The following RIMS1 variants were observed in gnomAD, a reference collection of about 807,000 sequenced individuals.
RIMS1 encodes the protein regulating synaptic membrane exocytosis protein 1.
RIMS1 carries 83 observed loss-of-function variants against 214.1 expected under a neutral mutation model. The observed-to-expected ratio is 0.39, with a 90% CI of 0.32 to 0.47. The LOEUF (loss-of-function observed/expected upper bound fraction) is 0.47. RIMS1 is among the 20% of genes least tolerant of loss of function. The pLI is 0.99. For synonymous variants in RIMS1, 793 were observed against 786.8 expected, an observed-to-expected ratio of 1.01 and a Z score of -0.13; for missense variants, 2,050 against 2,161.8, an observed-to-expected ratio of 0.95 and a Z score of 1.03.
intron 29 of RIMS1, among the ~76,000 whole-genome samples, chr6:72,363,726 A>T (rs1256906311): frequency 6.6e-6 from 1 of 152,182 alleles, no homozygotes; most frequent in African/African-American, 2.4e-5. Context: ...TTGTTTCTTT[A>T]ACCAGGGGTT....
intron 4 of RIMS1, among the ~76,000 whole-genome samples, chr6:72,115,182 T>C (rs1378027726): frequency 2.0e-5 from 3 of 151,966 alleles, no homozygotes; most frequent in Non-Finnish European, 4.4e-5. Flanking sequence ...ATACCTTTGA[T>C]TGGCATATGA....
At chr6:71,932,929 T>A (rs536039980) in intron 1 of RIMS1, among the ~76,000 whole-genome samples, 51 of 152,286 alleles carry the variant, frequency 3.3e-4, no homozygotes, top group African/African-American at 1.2e-3. Flanking sequence ...ATATTCCTTT[T>A]TGAAATACAT....
intron 22 of RIMS1, 162 bp downstream of exon 22, chr6:72,266,211 T>G: frequency 7.5e-6 from 5 of 669,324 alleles, no homozygotes; most frequent in Non-Finnish European, 1.3e-5. Flanking sequence ...TATTTAGAGA[T>G]ATGCGTATGT....
chr6:72,359,877 A>C (rs763941425), intron 29 of RIMS1, among the ~76,000 whole-genome samples: 1 of 152,176 alleles, frequency 6.6e-6, no homozygotes, highest in East Asian at 1.9e-4. Flanking sequence ...GTCCAAAATC[A>C]TGACAACAAC....
At chr6:72,271,456 A>T (rs2083347421) in intron 22 of RIMS1, among the ~76,000 whole-genome samples, 1 of 151,610 alleles carries the variant, frequency 6.6e-6, no homozygotes, top group Non-Finnish European at 1.5e-5. Context: ...ATGTTGTAAT[A>T]CCTCATATTT....
chr6:72,119,895 C>A (rs982891318), intron 4 of RIMS1, among the ~76,000 whole-genome samples: 2 of 151,574 alleles, frequency 1.3e-5, no homozygotes, highest in Non-Finnish European at 3.0e-5. Flanking sequence ...TGAATGAGAA[C>A]ATGTGGTGTT....
intron 24 of RIMS1, among the ~76,000 whole-genome samples, chr6:72,288,813 T>C (rs1563608785): frequency 1.3e-5 from 2 of 152,192 alleles, no homozygotes; most frequent in Non-Finnish European, 2.9e-5. Flanking sequence ...CTTTGGTCTG[T>C]GATCTCATGC....
intron 2 of RIMS1, among the ~76,000 whole-genome samples, chr6:72,012,713 C>A (rs56242382): frequency 0.067 from 10,214 of 152,126 alleles, 391 homozygotes; most frequent in Non-Finnish European, 0.082. Context: ...AATAAAGCTG[C>A]TTGGCATTGG....
chr6:71,916,836 C>T (rs1340827405), intron 1 of RIMS1, among the ~76,000 whole-genome samples: 1 of 152,000 alleles, frequency 6.6e-6, no homozygotes, highest in African/African-American at 2.4e-5. Flanking sequence ...TTAGTTATTG[C>T]CAGTTAGGAT....
intron 2 of RIMS1, among the ~76,000 whole-genome samples, chr6:72,040,398 G>T (rs1351768854): frequency 2.6e-5 from 4 of 152,006 alleles, no homozygotes; most frequent in African/African-American, 9.7e-5. Flanking sequence ...GTGATGTTTG[G>T]AAATGCCTGT....
At chr6:71,987,399 A>C (rs1267525014) in intron 2 of RIMS1, among the ~76,000 whole-genome samples, 1 of 152,182 alleles carries the variant, frequency 6.6e-6, no homozygotes, top group Non-Finnish European at 1.5e-5. Context: ...TCACAGGCGG[A>C]GAGCAGAGAT....
chr6:71,940,177 T>C (rs1785623945), intron 1 of RIMS1, among the ~76,000 whole-genome samples: 1 of 152,206 alleles, frequency 6.6e-6, no homozygotes, highest in Admixed American at 6.5e-5. Context: ...TTAACTGAGA[T>C]TCTGGAATTC....
chr6:72,167,842 C>G (rs1237761337), intron 4 of RIMS1, among the ~76,000 whole-genome samples: 1 of 151,682 alleles, frequency 6.6e-6, no homozygotes, highest in African/African-American at 2.4e-5. Flanking sequence ...GGGATTTTAT[C>G]AATTTTATTA....
At chr6:72,045,437 T>G (rs897266234) in intron 2 of RIMS1, among the ~76,000 whole-genome samples, 1 of 151,996 alleles carries the variant, frequency 6.6e-6, no homozygotes, top group Non-Finnish European at 1.5e-5. Context: ...TTATTTCACT[T>G]TAGTAGACTG....
Position 72,258,232 on chromosome 6 carries a change from A to G in RIMS1, c.2878A>G (p.Asn960Asp), listed in dbSNP as rs1384410537. 6.2e-7 allele frequency: 1 copy of G among 1,613,424 alleles called. No individual in the cohort carries two copies. ...ACGTTCAGTATCTCCTCATCGCGGC[A>G]ATGATCAGGGAAAGCCGCGTTCACG... The part of the protein sequence containing the change: ...RSRSVSPHRG[N>D]DQGKPRSRLP... Residue 960 changes from asparagine to aspartate, a missense_variant, in exon 17 of 34, where the codon AAT (asparagine) becomes GAT (aspartate). By Grantham distance (23) the Asn-to-Asp change is conservative. This residue lies in a region of RIMS1 where 889 missense variants were observed against 885.5 expected (regional missense o/e 1.00). Coordinates refer to ENST00000521978, the MANE Select transcript of RIMS1 (RefSeq NM_014989.7).
intron 4 of RIMS1, among the ~76,000 whole-genome samples, chr6:72,144,509 C>A (rs1347264823): frequency 6.6e-6 from 1 of 151,932 alleles, no homozygotes; most frequent in Non-Finnish European, 1.5e-5. Context: ...AAAGACAGCT[C>A]AAAAGTCCTA....
intron 28 of RIMS1, among the ~76,000 whole-genome samples, chr6:72,317,628 GCC>G (rs1450694067): frequency 6.6e-6 from 1 of 152,072 alleles, no homozygotes. Flanking sequence ...AATTTCAAAT[GCC>G]CCTTATTTCA....
intron 26 of RIMS1, among the ~76,000 whole-genome samples, chr6:72,306,564 T>G (rs1347636191): frequency 6.6e-6 from 1 of 152,194 alleles, no homozygotes. Context: ...AGGAGATTAA[T>G]AAAAGCTTAA....
chr6:72,245,743 A>G (rs2154122112), intron 10 of RIMS1, 72 bp from the exon 11 acceptor site: 2 of 1,182,534 alleles, frequency 1.7e-6, no homozygotes, highest in South Asian at 1.2e-5. Context: ...CACATCACGT[A>G]TAATGGGCTA....
Sources: allele counts gnomAD v4.1 joint callset (sites outside exome capture counted in the v4.1 genomes callset), GRCh38; gene constraint gnomAD v4.1.1; regional missense constraint gnomAD v4.1.1; transcripts MANE v1.5; gene names NCBI Gene and HGNC (gene_info 2026-07-23, HGNC 2026-07-21).